The following SLC28A1 variants were observed in gnomAD, a reference collection of about 807,000 sequenced individuals.
The protein encoded by SLC28A1 is solute carrier family 28 member 1.
SLC28A1 carries 64 observed loss-of-function variants against 74.8 expected under a neutral mutation model. That is an observed-to-expected ratio of 0.86 (90% CI 0.70 to 1.05). The LOEUF (loss-of-function observed/expected upper bound fraction) is 1.05, where lower values mean the gene tolerates loss of function less well. Ranked by LOEUF, SLC28A1 falls within the 50% of genes least tolerant of loss-of-function variation. The pLI, the probability that SLC28A1 is intolerant of heterozygous loss-of-function variation, is 0.00. For synonymous variants in SLC28A1, 359 were observed against 335.0 expected, an observed-to-expected ratio of 1.07 and a Z score of -0.78; for missense variants, 828 against 822.8, an observed-to-expected ratio of 1.01 and a Z score of -0.08.
the SLC28A1 span, among the ~76,000 whole-genome samples, chr15:84,960,778 A>G: frequency 7.9e-5 from 12 of 152,238 alleles, no homozygotes; most frequent in Non-Finnish European, 1.6e-4. Context: ...CTCTGCTTCC[A>G]AAACTGTGTT....
chr15:84,961,892 T>C, the SLC28A1 span, among the ~76,000 whole-genome samples: 6 of 152,142 alleles, frequency 3.9e-5, no homozygotes, highest in Non-Finnish European at 8.8e-5. Flanking sequence ...AGATGATTCA[T>C]TGAAATGTTA....
Position 84,935,511 on chromosome 15 carries a change from G to A in SLC28A1, c.1574G>A (p.Trp525Ter), listed in dbSNP as rs1165176958. The A allele has an allele frequency of 8.7e-6, 14 of 1,612,898 alleles. No individual in the cohort carries two copies. Among genetic ancestry groups the A allele is most frequent in the Non-Finnish European group, 1.2e-5 (14 of 1,179,764 alleles). ...AEEWVGDRKQ[W>*]ISVRAEVLTT... ...GAGTGGGTCGGCGACAGGAAGCAGT[G>A]GATCTCCGTGAGTGTCCCAGTCCCT... is the stretch of plus-strand genomic sequence containing the variant. The change falls in exon 15 of 19, where the codon TGG becomes TAG. Residue 525 changes from tryptophan (W) to a stop codon, truncating the protein, a stop_gained. Coordinates refer to ENST00000394573, the MANE Select transcript of SLC28A1 (RefSeq NM_004213.5). LOFTEE classifies it high-confidence loss of function.
At chr15:84,966,858 G>A in the SLC28A1 span, among the ~76,000 whole-genome samples, 1 of 152,248 alleles carries the variant, frequency 6.6e-6, no homozygotes, top group East Asian at 1.9e-4. Context: ...TTTGGGTGGG[G>A]ACACAACCAA....
chr15:84,960,581 A>G, the SLC28A1 span, among the ~76,000 whole-genome samples: 1 of 152,130 alleles, frequency 6.6e-6, no homozygotes, highest in East Asian at 1.9e-4. Flanking sequence ...CTGATTCAAT[A>G]TCTCCATAGG....
chr15:84,928,523 G>GTTCTTTCTTTCT (rs1555453777), intron 12 of SLC28A1, among the ~76,000 whole-genome samples: 4 of 39,798 alleles, frequency 1.0e-4, no homozygotes, highest in African/African-American at 4.7e-4. Flanking sequence ...TCCCAGGTTC[G>GTTCTTTCTTTCT]TTCGTTCTTT....
Position 84,928,575 on chromosome 15 carries a change from T to C in SLC28A1, c.1083+4465T>C, listed in dbSNP as rs930511711. Among the ~76,000 whole-genome samples the C allele has an allele frequency of 8.5e-3, 207 of 24,440 alleles. 3 individuals carry two copies. The highest frequency in any genetic ancestry group is 0.028 in the African/African-American group (72 of 2,552). The allele number at this position is 24,440 out of a possible 152,430, so 16.0% of individuals were successfully genotyped here. On this transcript the variant is annotated intron_variant, in intron 12 of 18. Coordinates refer to ENST00000394573, the MANE Select transcript of SLC28A1 (RefSeq NM_004213.5). ...CTTTCTTTCTTTCTTTCTTTCTTTC[T>C]TTCTTTCTTTCTTTCTTTCTTTCTT...
intron 8 of SLC28A1, among the ~76,000 whole-genome samples, chr15:84,908,178 CT>C (rs71135328): frequency 4.6e-4 from 42 of 91,344 alleles, no homozygotes; most frequent in African/African-American, 1.8e-3. Flanking sequence ...CAGAGCATTT[CT>C]TTTTTTTTTT....
chr15:84,896,178 C>CA, intron 6 of SLC28A1: 1 of 153,906 alleles, frequency 6.5e-6, no homozygotes, highest in East Asian at 1.9e-4. Flanking sequence ...CACACACTAT[C>CA]AAAAAAGTGA....
At chr15:84,899,862 T>C (rs1966411631) in intron 6 of SLC28A1, among the ~76,000 whole-genome samples, 1 of 149,236 alleles carries the variant, frequency 6.7e-6, no homozygotes, top group Non-Finnish European at 1.5e-5. Context: ...CACTGACTGC[T>C]GCCTGGGCGA....
chr15:84,906,826 T>C (rs2141807690), intron 8 of SLC28A1, among the ~76,000 whole-genome samples: 1 of 152,218 alleles, frequency 6.6e-6, no homozygotes, highest in Middle Eastern at 3.4e-3. Flanking sequence ...ATCATTAAAT[T>C]CATGCACACT....
downstream of SLC28A1, among the ~76,000 whole-genome samples, chr15:84,946,070 A>ATGTGTGTATG (rs1567196089): frequency 3.5e-5 from 2 of 57,108 alleles, no homozygotes; most frequent in Middle Eastern, 0.015. Context: ...ATATATATAT[A>ATGTGTGTATG]TGTGTGTGTA....
chr15:84,884,809 G>T, intron 1 of SLC28A1, 58 bp downstream of exon 1: 1 of 901,864 alleles, frequency 1.1e-6, no homozygotes, highest in South Asian at 5.1e-5. Flanking sequence ...AGGAGGGGAA[G>T]GGGGTAGCAC....
At chr15:84,912,948 T>A (rs918395494) in intron 9 of SLC28A1, among the ~76,000 whole-genome samples, 2 of 151,552 alleles carry the variant, frequency 1.3e-5, no homozygotes, top group African/African-American at 4.9e-5. Context: ...GGGAAGTAAA[T>A]GAAGCCTGGG....
intron 13 of SLC28A1, among the ~76,000 whole-genome samples, chr15:84,933,919 A>G (rs1460727801): frequency 6.6e-6 from 1 of 152,130 alleles, no homozygotes; most frequent in Non-Finnish European, 1.5e-5. Context: ...AGGTTGCAGT[A>G]AGCCTAGATC....
At chr15:84,972,397 GT>G in the SLC28A1 span, among the ~76,000 whole-genome samples, 1 of 152,224 alleles carries the variant, frequency 6.6e-6, no homozygotes, top group East Asian at 1.9e-4. Context: ...GTAAGACCTA[GT>G]TTACTCATCT....
At chr15:84,900,417 A>G (rs1306697213) in intron 6 of SLC28A1, among the ~76,000 whole-genome samples, 2 of 150,820 alleles carry the variant, frequency 1.3e-5, no homozygotes, top group Non-Finnish European at 3.0e-5. Context: ...AAAAAAAAAA[A>G]AAAAAAAGAA....
At position 84,935,123 on chromosome 15, in the gene SLC28A1, G is replaced by C; in HGVS notation, c.1312G>C (p.Val438Leu). 6.2e-7 allele frequency: 1 copy of C among 1,614,180 alleles called. No individual in the cohort carries two copies. The highest frequency in any genetic ancestry group is 8.5e-7 in the Non-Finnish European group (1 of 1,180,010). The change falls in exon 14 of 19, where the codon GTG becomes CTG. Residue 438 changes from valine (V) to leucine (L), a missense_variant. Val to Leu is a conservative substitution (Grantham distance 32, BLOSUM62 1). This residue lies in a region of SLC28A1 where 767 missense variants were observed against 753.5 expected (regional missense o/e 1.02). Coordinates refer to ENST00000394573, the MANE Select transcript of SLC28A1 (RefSeq NM_004213.5). ...IAANLIAFLA[V>L]LDFINAALSW... ...TGCCAACCTGATTGCGTTCCTGGCT[G>C]TGCTGGACTTTATCAATGCTGCCCT... is the stretch of plus-strand genomic sequence containing the variant.
At chr15:84,947,662 C>CCTT (rs905797620), downstream of SLC28A1, among the ~76,000 whole-genome samples, 43 of 152,350 alleles carry the variant, frequency 2.8e-4, no homozygotes, top group Admixed American at 8.5e-4. Flanking sequence ...ATAGGTGGCA[C>CCTT]CTTCTCCCTG....
At chr15:84,934,807 T>C (rs7173463) in intron 13 of SLC28A1, among the ~76,000 whole-genome samples, 137,575 of 152,250 alleles carry the variant, frequency 0.9, 62,389 homozygotes, top group African/African-American at 0.98. Flanking sequence ...CCTCCTGTCA[T>C]GTGTGGCTGA....
Sources: allele counts gnomAD v4.1 joint callset (sites outside exome capture counted in the v4.1 genomes callset), GRCh38; gene constraint gnomAD v4.1.1; regional missense constraint gnomAD v4.1.1; transcripts MANE v1.5; gene names NCBI Gene and HGNC (gene_info 2026-07-23, HGNC 2026-07-21).